Variants in CTNNA2 observed in about 807,000 individuals in gnomAD.
CTNNA2 encodes the protein catenin alpha 2.
In CTNNA2, 42 loss-of-function variants were observed where a neutral mutation model predicts 101.0. The observed-to-expected ratio is 0.42, with a 90% CI of 0.32 to 0.54. The LOEUF is 0.54. Among genes scored for constraint, CTNNA2 ranks in the 20% least tolerant of loss-of-function variants. The pLI is 0.14. For synonymous variants in CTNNA2, 450 were observed against 456.4 expected (o/e 0.99, Z 0.18); for missense variants, 871 against 1,223.1 (o/e 0.71, Z 4.29).
chr2:80,266,068 G>T (rs1445606553), intron 7 of CTNNA2, among the ~76,000 whole-genome samples: 2 of 152,186 alleles, frequency 1.3e-5, no homozygotes, highest in East Asian at 3.9e-4. Flanking sequence ...CCCCATTTGA[G>T]AAATTACAGC....
intron 1 of CTNNA2, among the ~76,000 whole-genome samples, chr2:79,541,751 T>C (rs917815229): frequency 2.6e-5 from 4 of 151,496 alleles, no homozygotes; most frequent in African/African-American, 4.9e-5. Flanking sequence ...CTCAGTTTCC[T>C]GAGTAGCTGG....
intron 6 of CTNNA2, among the ~76,000 whole-genome samples, chr2:79,899,875 C>A (rs1322913445): frequency 6.6e-6 from 1 of 152,008 alleles, no homozygotes; most frequent in Non-Finnish European, 1.5e-5. Flanking sequence ...CTAGTGCTAC[C>A]CCAATTACGT....
intron 4 of CTNNA2, chr2:79,866,627 C>G (rs1682120856): frequency 6.6e-6 from 1 of 152,184 alleles, no homozygotes; most frequent in African/African-American, 2.4e-5. Flanking sequence ...AGCTTTCTTT[C>G]TAGTTCTGCC....
At chr2:80,505,901 T>C (rs756284680) in intron 9 of CTNNA2, among the ~76,000 whole-genome samples, 3 of 152,178 alleles carry the variant, frequency 2.0e-5, no homozygotes, top group Non-Finnish European at 4.4e-5. Context: ...AGCTGTTTGA[T>C]CCAGTTATAA....
At chr2:79,467,902 T>C (rs1327134440) in intron 4 of CTNNA2, among the ~76,000 whole-genome samples, 1 of 152,078 alleles carries the variant, frequency 6.6e-6, no homozygotes, top group African/African-American at 2.4e-5. Context: ...AAGGAACAAC[T>C]GGTACCAGCC....
At chr2:79,928,401 C>A (rs912224710) in intron 7 of CTNNA2, among the ~76,000 whole-genome samples, 3 of 152,124 alleles carry the variant, frequency 2.0e-5, no homozygotes, top group Non-Finnish European at 4.4e-5. Flanking sequence ...ATAAGTGAGC[C>A]ACTGACTGTA....
At chr2:79,382,801 A>G (rs1678054467) in intron 4 of CTNNA2, among the ~76,000 whole-genome samples, 1 of 152,088 alleles carries the variant, frequency 6.6e-6, no homozygotes, top group Non-Finnish European at 1.5e-5. Flanking sequence ...TTTTTAATAG[A>G]GAGGGGGTTT....
intron 9 of CTNNA2, among the ~76,000 whole-genome samples, chr2:80,451,315 GT>G (rs1683487587): frequency 6.6e-6 from 1 of 152,096 alleles, no homozygotes; most frequent in African/African-American, 2.4e-5. Flanking sequence ...AGATCTGATG[GT>G]TTTATAAGGA....
At chr2:80,647,264 CT>C (rs1456468440) in intron 18 of CTNNA2, among the ~76,000 whole-genome samples, 2 of 152,000 alleles carry the variant, frequency 1.3e-5, no homozygotes, top group South Asian at 2.1e-4. Flanking sequence ...CCCCTTATAA[CT>C]TTTTTTCTTT....
At chr2:79,477,914 T>C (rs12616530) in intron 4 of CTNNA2, among the ~76,000 whole-genome samples, 87,847 of 152,050 alleles carry the variant, frequency 0.58, 26,260 homozygotes, top group Non-Finnish European at 0.66. Flanking sequence ...GCCCCAGCAA[T>C]GAAAAGTCTG....
chr2:79,294,326 T>A (rs764654012), intron 2 of CTNNA2, among the ~76,000 whole-genome samples: 1 of 151,986 alleles, frequency 6.6e-6, no homozygotes, highest in Non-Finnish European at 1.5e-5. Flanking sequence ...CTCTCTGGTA[T>A]CTATTCTTAT....
At chr2:80,238,478 T>C (rs571376192) in intron 7 of CTNNA2, among the ~76,000 whole-genome samples, 11 of 152,222 alleles carry the variant, frequency 7.2e-5, no homozygotes, top group African/African-American at 2.6e-4. Flanking sequence ...ATTATGAAGC[T>C]GGGAAAGGGA....
At chr2:79,563,460 G>A (rs71424886) in intron 1 of CTNNA2, among the ~76,000 whole-genome samples, 97 of 152,058 alleles carry the variant, frequency 6.4e-4, no homozygotes, top group Non-Finnish European at 1.0e-3. Context: ...TCACTGTATA[G>A]GGAAAGGCAT....
chr2:79,305,556 C>T (rs1258044333), intron 2 of CTNNA2, among the ~76,000 whole-genome samples: 2 of 151,634 alleles, frequency 1.3e-5, no homozygotes, highest in South Asian at 4.2e-4. Context: ...CAGTAGCTAC[C>T]CACAGTTAAT....
At position 79,352,554 on chromosome 2, in the gene CTNNA2, T is replaced by C. The variant is rs144154066; in HGVS notation, c.-317-21277T>C. 4.1e-3 allele frequency among the ~76,000 whole-genome samples: 619 copies of C among 152,326 alleles called. 1 individual carries two copies. The highest frequency in any genetic ancestry group is 0.014 in the African/African-American group (590 of 41,568). On this transcript the variant is annotated intron_variant, in intron 3 of 21. Coordinates refer to the CTNNA2 transcript ENST00000466387. ...AAACTAACTTTTGTTTGCATTGTTC[T>C]TTTGTATGGATTTTTGTGTCTCAAT...
At chr2:80,099,630 G>A (rs931219989) in intron 7 of CTNNA2, among the ~76,000 whole-genome samples, 2 of 152,072 alleles carry the variant, frequency 1.3e-5, no homozygotes, top group East Asian at 1.9e-4. Flanking sequence ...GTGGTGTGTG[G>A]TCACCAAAAT....
intron 2 of CTNNA2, among the ~76,000 whole-genome samples, chr2:79,205,563 T>C (rs1296300833): frequency 1.3e-5 from 2 of 152,186 alleles, no homozygotes; most frequent in Non-Finnish European, 2.9e-5. Flanking sequence ...GCTGTTGCTA[T>C]TTCTTCAGCT....
At chr2:79,502,946 T>C (rs1041628714) in intron 4 of CTNNA2, among the ~76,000 whole-genome samples, 1 of 152,112 alleles carries the variant, frequency 6.6e-6, no homozygotes, top group African/African-American at 2.4e-5. Flanking sequence ...AGTATAGAGA[T>C]TCTGCAAGGG....
In CTNNA2 at chr2:80,581,818, G is replaced by T. The variant is rs773980494; in HGVS notation, c.2006G>T (p.Arg669Leu). Reference sequence around the variant, plus strand: ...CAGCTCATTGCAGGGCAGAGCGCACGGGTGAGTGGACACCTAAGACTTTGG... The same window carrying T: ...CAGCTCATTGCAGGGCAGAGCGCACTGGTGAGTGGACACCTAAGACTTTGG... Reference protein sequence around the residue: ...DDQLIAGQSARAIMAQLPQEE... With the variant: ...DDQLIAGQSALAIMAQLPQEE... The change falls in exon 14 of 19, where the codon CGG becomes CTG. Residue 669 changes from arginine to leucine, a missense_variant and splice_region_variant. By Grantham distance (102) the Arg-to-Leu change is moderately radical (BLOSUM62 -2). Around this residue, in one of 5 missense-constraint regions of CTNNA2, gnomAD observed 93 missense variants for 223.7 expected, o/e 0.42. Coordinates refer to ENST00000402739, the MANE Select transcript of CTNNA2 (RefSeq NM_001282597.3). The T allele has an allele frequency of 6.3e-7, 1 of 1,581,366 alleles. No individual in the cohort carries two copies. Among genetic ancestry groups the T allele is most frequent in the Non-Finnish European group, 8.7e-7 (1 of 1,150,686 alleles).
Sources: gnomAD v4.1 joint callset for allele counts (sites outside exome capture counted in the v4.1 genomes callset) on GRCh38, gnomAD v4.1.1 for gene constraint, gnomAD v4.1.1 regional missense constraint, MANE v1.5 for transcripts, NCBI Gene and HGNC (gene_info 2026-07-23, HGNC 2026-07-21) for gene names.